Variants in RALGPS2 observed in about 807,000 individuals in gnomAD.
RALGPS2 encodes the protein Ral GEF with PH domain and SH3 binding motif 2, also known as ras-specific guanine nucleotide-releasing factor RalGPS2.
RALGPS2 carries 43 observed loss-of-function variants against 86.8 expected under a neutral mutation model. The ratio of observed to expected loss-of-function variants is 0.50; its 90% CI spans 0.39 to 0.64. The LOEUF (loss-of-function observed/expected upper bound fraction) is 0.64. Ranked by LOEUF, RALGPS2 falls within the 30% of genes least tolerant of loss-of-function variation. The probability of loss-of-function intolerance (pLI) is 0.00; values close to 1 mark genes in which losing one functional copy is unlikely to be tolerated. For missense variants in RALGPS2, 536 were observed against 694.6 expected (o/e 0.77, Z 2.57); for synonymous variants, 243 against 231.3 (o/e 1.05, Z -0.46).
At chr1:178,767,704 C>T (rs1328173311) in intron 1 of RALGPS2, among the ~76,000 whole-genome samples, 3 of 152,150 alleles carry the variant, frequency 2.0e-5, no homozygotes, top group Non-Finnish European at 4.4e-5. Flanking sequence ...TACAAGAGGC[C>T]AGGCCAGGAG....
intron 8 of RALGPS2, among the ~76,000 whole-genome samples, chr1:178,859,377 C>G (rs1483118288): frequency 6.8e-6 from 1 of 147,508 alleles, no homozygotes; most frequent in Non-Finnish European, 1.5e-5. Flanking sequence ...TTTTTAGTTT[C>G]TAATGACTAC....
intron 8 of RALGPS2, among the ~76,000 whole-genome samples, chr1:178,869,575 G>C (rs1053169780): frequency 6.6e-6 from 1 of 152,086 alleles, no homozygotes; most frequent in Non-Finnish European, 1.5e-5. Flanking sequence ...AGAGATGACA[G>C]TATTTCAGAT....
rs555651437 is a variant in RALGPS2 at position 178,852,631 on chromosome 1, T to A, written c.607+19081T>A. 6 of 1,530,626 alleles carry A rather than the reference T, an allele frequency of 3.9e-6. No individual in the cohort carries two copies. In the East Asian group the frequency reaches 1.4e-4, roughly 35 times the overall value. 94.8% of individuals were successfully genotyped at this position (1,530,626 alleles called of 1,614,324 possible). On this transcript the variant is annotated intron_variant, in intron 8 of 19. Transcript: ENST00000367635. ...AGCATATATATTAGTAGATTCTATTTAATGCATAGAAGGTGATGATTCTAC... is the reference window on the plus strand; with the variant it reads ...AGCATATATATTAGTAGATTCTATTAAATGCATAGAAGGTGATGATTCTAC...
chr1:178,792,603 C>T (rs938305377), intron 4 of RALGPS2, among the ~76,000 whole-genome samples: 1 of 152,166 alleles, frequency 6.6e-6, no homozygotes, highest in South Asian at 2.1e-4. Context: ...TCCCTCTCCA[C>T]CCCTGGCCTC....
chr1:178,861,122 G>A (rs1657978357), intron 8 of RALGPS2, among the ~76,000 whole-genome samples: 1 of 151,926 alleles, frequency 6.6e-6, no homozygotes, highest in Non-Finnish European at 1.5e-5. Context: ...CATAACAAAG[G>A]TAGTGGTAGA....
At chr1:178,796,556 T>G (rs1654200059) in intron 4 of RALGPS2, among the ~76,000 whole-genome samples, 1 of 152,186 alleles carries the variant, frequency 6.6e-6, no homozygotes, top group African/African-American at 2.4e-5. Context: ...TCGCTTTTTC[T>G]TTTCTTCCCT....
chr1:178,851,334 A>C (rs1657161887), intron 8 of RALGPS2: 2 of 1,594,612 alleles, frequency 1.3e-6, no homozygotes, highest in Non-Finnish European at 1.7e-6. Context: ...GAAAAAATAC[A>C]GATATAAATG....
chr1:178,786,379 C>T (rs954918977), intron 4 of RALGPS2, among the ~76,000 whole-genome samples: 7 of 151,980 alleles, frequency 4.6e-5, no homozygotes, highest in African/African-American at 1.7e-4. Context: ...TCCCTTATAT[C>T]TTTATTTTAT....
intron 8 of RALGPS2, among the ~76,000 whole-genome samples, chr1:178,862,626 TTTATTTGGTTGG>T (rs1379001695): frequency 8.0e-5 from 12 of 149,810 alleles, no homozygotes; most frequent in African/African-American, 3.0e-4. Flanking sequence ...TATTTATTTA[TTTATTTGGTTGG>T]TTGGTTGGTT....
intron 8 of RALGPS2, among the ~76,000 whole-genome samples, chr1:178,874,451 C>T (rs951453083): frequency 5.9e-5 from 9 of 152,118 alleles, no homozygotes; most frequent in African/African-American, 2.2e-4. Flanking sequence ...CGAGTGACTA[C>T]AGGCGAGTTG....
At chr1:178,850,368 C>G (rs1343866496) in intron 8 of RALGPS2, 1 of 152,396 alleles carries the variant, frequency 6.6e-6, no homozygotes, top group East Asian at 1.9e-4. Context: ...CAATATTTTG[C>G]TGATTTTAGA....
At chr1:178,740,420 T>G (rs1248258645) in intron 1 of RALGPS2, among the ~76,000 whole-genome samples, 3 of 152,212 alleles carry the variant, frequency 2.0e-5, no homozygotes, top group African/African-American at 7.2e-5. Flanking sequence ...ATCAACCACC[T>G]GGGAAAATTT....
chr1:178,848,891 A>G (rs1657004716), intron 8 of RALGPS2, among the ~76,000 whole-genome samples: 1 of 152,084 alleles, frequency 6.6e-6, no homozygotes, highest in Non-Finnish European at 1.5e-5. Flanking sequence ...CGGCCTCCCA[A>G]AGTCTTGGGA....
intron 17 of RALGPS2, among the ~76,000 whole-genome samples, chr1:178,901,843 G>A (rs1366338442): frequency 2.0e-5 from 3 of 151,938 alleles, no homozygotes; most frequent in Non-Finnish European, 2.9e-5. Flanking sequence ...TCACAAACAT[G>A]CTCTCTGGGA....
chr1:178,861,427 G>A (rs1332602939), intron 8 of RALGPS2, among the ~76,000 whole-genome samples: 1 of 150,658 alleles, frequency 6.6e-6, no homozygotes, highest in Non-Finnish European at 1.5e-5. Context: ...CTAATATGAG[G>A]TTTAATTCTG....
chr1:178,771,126 A>T (rs544902189), intron 1 of RALGPS2, among the ~76,000 whole-genome samples: 111 of 152,298 alleles, frequency 7.3e-4, no homozygotes, highest in Admixed American at 1.2e-3. Context: ...GGCGTGAGCC[A>T]CCGCACCCAG....
intron 17 of RALGPS2, among the ~76,000 whole-genome samples, chr1:178,901,136 A>C (rs1660155499): frequency 6.6e-6 from 1 of 152,026 alleles, no homozygotes; most frequent in South Asian, 2.1e-4. Flanking sequence ...CATTTCCTTT[A>C]ATCGTGAAGC....
At chr1:178,748,212 C>T (rs140515640) in intron 1 of RALGPS2, among the ~76,000 whole-genome samples, 3 of 151,708 alleles carry the variant, frequency 2.0e-5, no homozygotes, top group Admixed American at 6.6e-5. Flanking sequence ...CCCAGCCACT[C>T]GGGAGGCTGA....
intron 7 of RALGPS2, among the ~76,000 whole-genome samples, chr1:178,828,707 A>G (rs1373394298): frequency 6.6e-6 from 1 of 152,238 alleles, no homozygotes; most frequent in African/African-American, 2.4e-5. Context: ...GTGCAAATCA[A>G]AACCACATAA....
Sources: allele counts gnomAD v4.1 joint callset (sites outside exome capture counted in the v4.1 genomes callset), GRCh38; gene constraint gnomAD v4.1.1; transcripts MANE v1.5; gene names NCBI Gene and HGNC (gene_info 2026-07-23, HGNC 2026-07-21).